HPCAL1: variants seen among roughly 807,000 people sequenced by gnomAD.
The protein encoded by HPCAL1 is hippocalcin-like protein 1.
HPCAL1 carries 8 observed loss-of-function variants against 17.1 expected under a neutral mutation model. The observed-to-expected ratio is 0.47, with a 90% confidence interval of 0.27 to 0.84. The LOEUF (loss-of-function observed/expected upper bound fraction) is 0.84, where lower values mean the gene tolerates loss of function less well. HPCAL1 is among the 40% of genes least tolerant of loss of function. The pLI is 0.13. For missense variants in HPCAL1, 165 were observed against 271.1 expected (o/e 0.61, Z 2.75); for synonymous variants, 112 against 111.4 (o/e 1.01, Z -0.03).
rs1387732270 is a variant in HPCAL1 at position 10,331,542 on chromosome 2, C to A, written c.-111+28365C>A. ...CGGGGCAGGAACACCCTCCCAGGAG[C>A]TTTTCCACGGCCAAGCGCTGGCTGG... On this transcript the variant is annotated intron_variant, in intron 1 of 4. Transcript: ENST00000307845. The surrounding 1 kb of genome is among the most constrained non-coding windows in gnomAD (Gnocchi z 5.0). Among the ~76,000 whole-genome samples, 1 of 152,204 alleles carries A rather than the reference C, an allele frequency of 6.6e-6. No individual in the cohort carries two copies. Among genetic ancestry groups the A allele is most frequent in the East Asian group, 1.9e-4 (1 of 5,188 alleles).
intron 1 of HPCAL1, among the ~76,000 whole-genome samples, chr2:10,370,114 A>G (rs1558493025): frequency 6.6e-6 from 1 of 152,164 alleles, no homozygotes; most frequent in Non-Finnish European, 1.5e-5. Flanking sequence ...GTATGGGCCC[A>G]TTGGGCATGC....
At chr2:10,373,017 G>A (rs1280392853) in intron 1 of HPCAL1, among the ~76,000 whole-genome samples, 1 of 152,254 alleles carries the variant, frequency 6.6e-6, no homozygotes, top group Non-Finnish European at 1.5e-5. Context: ...GGCGCTGCCT[G>A]ACTCTCCTCC....
At chr2:10,399,216 A>ACCG (rs1297251557) in intron 2 of HPCAL1, among the ~76,000 whole-genome samples, 1 of 131,584 alleles carries the variant, frequency 7.6e-6, no homozygotes, top group Non-Finnish European at 1.6e-5. Context: ...CTGCACCACC[A>ACCG]CCACCACCAC....
chr2:10,336,887 G>C (rs1664756426), intron 1 of HPCAL1, among the ~76,000 whole-genome samples: 1 of 152,094 alleles, frequency 6.6e-6, no homozygotes. Context: ...TGAGACTATA[G>C]GTATGCACCA....
chr2:10,405,274 G>A (rs1250557581), intron 2 of HPCAL1, among the ~76,000 whole-genome samples: 1 of 152,198 alleles, frequency 6.6e-6, no homozygotes, highest in Non-Finnish European at 1.5e-5. Flanking sequence ...CTGACTGCAG[G>A]CCCCTGAAGC....
At chr2:10,350,059 A>C (rs1263839128) in intron 1 of HPCAL1, among the ~76,000 whole-genome samples, 4 of 152,198 alleles carry the variant, frequency 2.6e-5, no homozygotes, top group Non-Finnish European at 5.9e-5. Flanking sequence ...TCTGTTTCAT[A>C]AAACCAACTC....
At chr2:10,426,182 G>T (rs1160525183) in intron 4 of HPCAL1, 3 of 153,032 alleles carry the variant, frequency 2.0e-5, no homozygotes, top group Non-Finnish European at 2.9e-5. Flanking sequence ...GAGGATGAGG[G>T]GGCAGCTGAT....
In HPCAL1 at chr2:10,363,800, G is replaced by A. The variant is rs954852763; in HGVS notation, c.-110-33035G>A. On this transcript the variant is annotated intron_variant, in intron 1 of 4. Transcript: ENST00000307845. This position sits in a 1 kb window ranked among gnomAD's most constrained non-coding sequence, Gnocchi z 4.7. ...TCCTTGTGTGGGCTGCGTGACCTTGGATGAGTTATTTCCCATCTCTGAGCC... is the reference window on the plus strand; with the variant it reads ...TCCTTGTGTGGGCTGCGTGACCTTGAATGAGTTATTTCCCATCTCTGAGCC... Among the ~76,000 whole-genome samples the A allele has an allele frequency of 3.9e-5, 6 of 152,246 alleles. No homozygotes were observed. Among genetic ancestry groups the A allele is most frequent in the Non-Finnish European group, 7.3e-5 (5 of 68,052 alleles).
intron 1 of HPCAL1, among the ~76,000 whole-genome samples, chr2:10,381,716 T>C (rs919213878): frequency 6.6e-6 from 1 of 152,204 alleles, no homozygotes; most frequent in African/African-American, 2.4e-5. Flanking sequence ...CAGGGAATTG[T>C]AAATCAAAGC....
intron 1 of HPCAL1, among the ~76,000 whole-genome samples, chr2:10,390,094 T>C (rs7588656): frequency 0.47 from 71,527 of 152,086 alleles, 19,855 homozygotes; most frequent in African/African-American, 0.76. Context: ...TCCCTGCCAG[T>C]CAGTTCCCAG....
At chr2:10,399,076 G>C (rs1669253312) in intron 2 of HPCAL1, among the ~76,000 whole-genome samples, 1 of 151,822 alleles carries the variant, frequency 6.6e-6, no homozygotes, top group Admixed American at 6.6e-5. Context: ...GTCGTGCTGA[G>C]GCTGATACCC....
chr2:10,350,680 G>A (rs901937464), intron 1 of HPCAL1, among the ~76,000 whole-genome samples: 1 of 152,082 alleles, frequency 6.6e-6, no homozygotes, highest in Admixed American at 6.6e-5. Context: ...AAATATTTGC[G>A]AATTGTATAG....
chr2:10,334,956 GC>G (rs1466347191), intron 1 of HPCAL1, among the ~76,000 whole-genome samples: 1 of 152,242 alleles, frequency 6.6e-6, no homozygotes, highest in African/African-American at 2.4e-5. Flanking sequence ...GGGATTACAG[GC>G]GTGAGCCACT....
chr2:10,330,107 G>C lies in HPCAL1; in HGVS notation c.-111+26930G>C, dbSNP rs1664264536. ...GATTTTTTTTTTTTTTCCTTTTAGA[G>C]ACTATGCACAATTTATGTGGCAAGC... On this transcript the variant is annotated intron_variant, in intron 1 of 4. Coordinates refer to ENST00000307845, the MANE Select transcript of HPCAL1 (RefSeq NM_002149.4). The surrounding 1 kb of genome is among the most constrained non-coding windows in gnomAD (Gnocchi z 4.2). 1 of 149,560 alleles carries C rather than the reference G, an allele frequency of 6.7e-6. No homozygotes were observed. Among genetic ancestry groups the C allele is most frequent in the African/African-American group, 2.5e-5 (1 of 40,204 alleles). The allele number at this position is 149,560 out of a possible 1,614,324, so 9.3% of individuals were successfully genotyped here. A position where few individuals can be genotyped will look rare whatever the true frequency, so the allele number is the denominator to read the frequency against.
chr2:10,356,561 G>A (rs903025392), intron 1 of HPCAL1, among the ~76,000 whole-genome samples: 1 of 152,154 alleles, frequency 6.6e-6, no homozygotes, highest in Non-Finnish European at 1.5e-5. Flanking sequence ...CCTGAGGCAC[G>A]GGAAGATTAA....
At chr2:10,376,760 A>C (rs1667587118) in intron 1 of HPCAL1, among the ~76,000 whole-genome samples, 1 of 152,072 alleles carries the variant, frequency 6.6e-6, no homozygotes, top group Admixed American at 6.6e-5. Flanking sequence ...ACTGTCACAA[A>C]ATGCATATTT....
At position 10,365,523 on chromosome 2, in the gene HPCAL1, G is replaced by A. The variant is rs1447206962; in HGVS notation, c.-110-31312G>A. 3.3e-5 allele frequency among the ~76,000 whole-genome samples: 5 copies of A among 152,136 alleles called. No individual in the cohort carries two copies. The highest frequency in any genetic ancestry group is 3.3e-4 in the Admixed American group (5 of 15,278). On this transcript the variant is annotated intron_variant, in intron 1 of 4. Transcript: ENST00000307845. This position sits in a 1 kb window ranked among gnomAD's most constrained non-coding sequence, Gnocchi z 4.8. ...CCATGGATGGCTTTTCTTGGAGGCT[G>A]CAGCCAGGAGCCATTGTTTCTCTTC...
rs899951821 is a variant in HPCAL1 at position 10,419,692 on chromosome 2, G to A, written c.-24-42G>A. ...CCGGCACATGGCTCAGCCCTGCTCC[G>A]TGGCCGTGGGTGGCGTCCCCGGCTG... is the stretch of plus-strand genomic sequence containing the variant. On this transcript the variant is annotated intron_variant, in intron 2 of 4. Coordinates refer to ENST00000307845, the MANE Select transcript of HPCAL1 (RefSeq NM_002149.4). The surrounding 1 kb of genome is among the most constrained non-coding windows in gnomAD (Gnocchi z 5.0). 9 of 1,553,694 alleles carry A rather than the reference G, an allele frequency of 5.8e-6. No individual in the cohort carries two copies. The African/African-American group carries it at 6.8e-5, about 12-fold the overall frequency.
At chr2:10,306,917 C>A (rs1186143003) in intron 1 of HPCAL1, among the ~76,000 whole-genome samples, 1 of 152,192 alleles carries the variant, frequency 6.6e-6, no homozygotes, top group African/African-American at 2.4e-5. Flanking sequence ...TGTTGCCACC[C>A]TCCTCTGCCA....
Sources: gnomAD v4.1 joint callset for allele counts (sites outside exome capture counted in the v4.1 genomes callset) on GRCh38, gnomAD v4.1.1 for gene constraint, Gnocchi (gnomAD v3.1) non-coding constraint, MANE v1.5 for transcripts, NCBI Gene and HGNC (gene_info 2026-07-23, HGNC 2026-07-21) for gene names.